FBN1: variants seen among roughly 807,000 people sequenced by gnomAD.
The protein encoded by FBN1 is fibrillin 1, also known as fibrillin-1.
A neutral mutation model predicts 365.1 loss-of-function variants in FBN1; 29 were observed. That is an observed-to-expected ratio of 0.08 (90% confidence interval 0.06 to 0.11). The LOEUF (loss-of-function observed/expected upper bound fraction) is 0.11, where lower values mean the gene tolerates loss of function less well. Among genes scored for constraint, FBN1 ranks in the 10% least tolerant of loss-of-function variants. The pLI, the probability that FBN1 is intolerant of heterozygous loss-of-function variation, is 1.00. For missense variants in FBN1, 2,476 were observed against 3,703.2 expected, an observed-to-expected ratio of 0.67 and a Z score of 8.60; for synonymous variants, 1,210 against 1,270.5, an observed-to-expected ratio of 0.95 and a Z score of 1.01.
intron 4 of FBN1, among the ~76,000 whole-genome samples, chr15:48,607,346 A>G (rs935042452): frequency 3.5e-5 from 4 of 113,420 alleles, no homozygotes; most frequent in Admixed American, 3.2e-4. Flanking sequence ...TTAGACAATT[A>G]TATATATACA....
intron 64 of FBN1, among the ~76,000 whole-genome samples, chr15:48,414,587 A>G (rs1441449064): frequency 9.2e-5 from 14 of 152,188 alleles, no homozygotes; most frequent in Non-Finnish European, 1.9e-4. Flanking sequence ...CTTTTAAATC[A>G]CTGGGTAAAA....
chr15:48,503,388 T>C (rs1345533860), intron 17 of FBN1, among the ~76,000 whole-genome samples: 2 of 151,550 alleles, frequency 1.3e-5, no homozygotes, highest in Non-Finnish European at 2.9e-5. Context: ...AATTTACAAA[T>C]GGCCTTTTGG....
chr15:48,567,645 G>A (rs1393523637), intron 6 of FBN1, among the ~76,000 whole-genome samples: 1 of 151,986 alleles, frequency 6.6e-6, no homozygotes, highest in Non-Finnish European at 1.5e-5. Flanking sequence ...AGGAATGCAA[G>A]GTCAGTTTAA....
In FBN1 at chr15:48,412,585, T is replaced by C. The variant is rs751561225; in HGVS notation, c.8210A>G (p.Asp2737Gly). ...CTGACCCACCTCGATATTGGAGGCA[T>C]CAGTTTCGTTTGTGCTTCTCCGTTT... ...GRKRRSTNET[D>G]ASNIEDQSET... Residue 2737 changes from aspartate (D) to glycine (G), a missense_variant, in exon 65 of 66, where the codon GAT (aspartate) becomes GGT (glycine). Coordinates refer to ENST00000316623, the MANE Select transcript of FBN1 (RefSeq NM_000138.5). 1 of 1,614,074 alleles carries C rather than the reference T, an allele frequency of 6.2e-7. No homozygotes were observed. Among genetic ancestry groups the C allele is most frequent in the Admixed American group, 1.7e-5 (1 of 60,028 alleles).
Position 48,505,181 on chromosome 15 carries a change from G to C in FBN1, c.1838-34C>G, listed in dbSNP as rs1174221703. ...GAGAAAGGCACTTATTAAAAATGAAGTGACATTTATCTAAAATTATAACAT... is the reference window on the plus strand; with the variant it reads ...GAGAAAGGCACTTATTAAAAATGAACTGACATTTATCTAAAATTATAACAT... On this transcript the variant is annotated intron_variant, in intron 15 of 65. Transcript: ENST00000316623. 3.7e-6 allele frequency: 6 copies of C among 1,613,496 alleles called. No individual in the cohort carries two copies. In the Admixed American group the frequency reaches 5.0e-5, roughly 13 times the overall value.
In FBN1 at chr15:48,465,865, A is replaced by G. The variant is rs1555397026; in HGVS notation, c.4748-7T>C. ...CAAAGAATTTTGTACTCGGCTATTG[A>G]AACAAAAATTCAAATTGAGTTGTTT... On this transcript the variant is annotated splice_region_variant and splice_polypyrimidine_tract_variant and intron_variant, in intron 38 of 65. Coordinates refer to ENST00000316623, the MANE Select transcript of FBN1 (RefSeq NM_000138.5). 1 of 1,606,584 alleles carries G rather than the reference A, an allele frequency of 6.2e-7. No homozygotes were observed. Among genetic ancestry groups the G allele is most frequent in the Non-Finnish European group, 8.5e-7 (1 of 1,173,470 alleles).
chr15:48,435,506 T>G (rs778709085), intron 53 of FBN1, among the ~76,000 whole-genome samples: 1 of 152,016 alleles, frequency 6.6e-6, no homozygotes, highest in Non-Finnish European at 1.5e-5. Context: ...TAAGTAAAAT[T>G]AATACATCAA....
In FBN1 at chr15:48,492,580, T is replaced by A. The variant is rs754919275; in HGVS notation, c.2735A>T (p.Asp912Val). ...CACTCCTGGGAACACTTCACATTCATCTATATCTAAAAAGAAAAAAAAAGT... is the reference window on the plus strand; with the variant it reads ...CACTCCTGGGAACACTTCACATTCAACTATATCTAAAAAGAAAAAAAAAGT... ...RIKGTQCEDI[D>V]ECEVFPGVCK... The change falls in exon 24 of 66, where the codon GAT (aspartate) becomes GTT (valine). Residue 912 changes from aspartate to valine, a missense_variant. Asp to Val is a radical substitution (Grantham distance 152). This residue lies in a region of FBN1 where 1,780 missense variants were observed against 2,840.8 expected (regional missense o/e 0.63). Coordinates refer to ENST00000316623, the MANE Select transcript of FBN1 (RefSeq NM_000138.5). 11 of 1,601,838 alleles carry A rather than the reference T, an allele frequency of 6.9e-6. No homozygotes were observed. In the South Asian group the frequency reaches 1.1e-4, roughly 16 times the overall value.
intron 6 of FBN1, among the ~76,000 whole-genome samples, chr15:48,588,183 C>T (rs532667400): frequency 1.3e-5 from 2 of 151,976 alleles, no homozygotes; most frequent in African/African-American, 2.4e-5. Flanking sequence ...TGGATTTCAA[C>T]GACTTAGAAT....
chr15:48,456,677 T>C lies in FBN1; in HGVS notation c.5382A>G (p.Pro1794=), dbSNP rs777460910. The change falls in exon 44 of 66, where the codon CCA becomes CCG. Residue 1794 remains proline, a synonymous_variant. Transcript: ENST00000316623. ...ACTTGTCATTATAGAAGAATCCCAC[T>C]GGACATTCACATCGGAAGCTGCCAA... ...NMVGSFRCEC[P]VGFFYNDKLL... 5.6e-6 allele frequency: 9 copies of C among 1,613,906 alleles called. No individual in the cohort carries two copies. The highest frequency in any genetic ancestry group is 1.7e-5 in the Admixed American group (1 of 60,002).
At chr15:48,523,668 GT>G (rs2141339952) in intron 9 of FBN1, among the ~76,000 whole-genome samples, 1 of 138,442 alleles carries the variant, frequency 7.2e-6, no homozygotes, top group Non-Finnish European at 1.5e-5. Context: ...GCAGCCTGAA[GT>G]TTTTCACTTC....
chr15:48,481,393 C>T (rs749348407), intron 32 of FBN1, among the ~76,000 whole-genome samples: 7 of 152,094 alleles, frequency 4.6e-5, no homozygotes, highest in Non-Finnish European at 7.4e-5. Flanking sequence ...TTTTTAACCT[C>T]ATAAAAATGT....
intron 33 of FBN1, 54 bp from the exon 34 acceptor site, chr15:48,474,431 A>G: frequency 6.2e-6 from 10 of 1,612,418 alleles, no homozygotes; most frequent in Non-Finnish European, 8.5e-6. Context: ...TTTAAAACCA[A>G]TAATACACAA....
chr15:48,445,202 ATATATG>A (rs1215705913), intron 48 of FBN1, among the ~76,000 whole-genome samples, 168 bp downstream of exon 48: 1 of 141,342 alleles, frequency 7.1e-6, no homozygotes, highest in African/African-American at 2.6e-5. Context: ...ATATACATAT[ATATATG>A]TGTATATATA....
chr15:48,591,191 C>T (rs944955001), intron 6 of FBN1, among the ~76,000 whole-genome samples: 28 of 152,234 alleles, frequency 1.8e-4, no homozygotes, highest in South Asian at 6.2e-4. Context: ...AAATCTAAGT[C>T]TGCTTTTGAT....
intron 65 of FBN1, among the ~76,000 whole-genome samples, chr15:48,411,688 G>A (rs1179187000): frequency 6.6e-6 from 1 of 152,112 alleles, no homozygotes; most frequent in African/African-American, 2.4e-5. Flanking sequence ...GCAAATTCTC[G>A]GCATCACCCC....
intron 6 of FBN1, among the ~76,000 whole-genome samples, chr15:48,558,060 C>T (rs1220695435): frequency 3.3e-5 from 5 of 152,284 alleles, no homozygotes; most frequent in South Asian, 2.1e-4. Context: ...ATAATCAGCA[C>T]TCCAAGTCCT....
At chr15:48,527,441 G>A (rs887702892) in intron 8 of FBN1, among the ~76,000 whole-genome samples, 2 of 152,196 alleles carry the variant, frequency 1.3e-5, no homozygotes, top group Non-Finnish European at 2.9e-5. Context: ...CCTCCTCTCT[G>A]AGACCAGCAG....
At position 48,410,776 on chromosome 15, in the gene FBN1, TA is replaced by T; in HGVS notation, c.*213del. Reference sequence around the variant, plus strand: ...AATCAACACATATGACAAGGTAGCTTAGCTACACACATGAGAAGCCTGAGAA... The same window carrying T: ...AATCAACACATATGACAAGGTAGCTTGCTACACACATGAGAAGCCTGAGAA... On this transcript the variant is annotated 3_prime_UTR_variant, in exon 66 of 66. Transcript: ENST00000316623. The T allele has an allele frequency of 1.8e-6, 1 of 563,654 alleles. No homozygotes were observed. Among genetic ancestry groups the T allele is most frequent in the Non-Finnish European group, 3.1e-6 (1 of 321,188 alleles). The allele number at this position is 563,654 out of a possible 1,614,324, so 34.9% of individuals were successfully genotyped here.
Sources: allele counts gnomAD v4.1 joint callset (sites outside exome capture counted in the v4.1 genomes callset), GRCh38; gene constraint gnomAD v4.1.1; regional missense constraint gnomAD v4.1.1; transcripts MANE v1.5; gene names NCBI Gene and HGNC (gene_info 2026-07-23, HGNC 2026-07-21).